Variants in CAST observed in about 807,000 individuals in gnomAD.
CAST encodes MIR583 host.
Under a neutral mutation model 119.6 loss-of-function variants are expected in CAST, and 76 were observed. That is an observed-to-expected ratio of 0.64 (90% confidence interval 0.53 to 0.77). The LOEUF is 0.77. Ranked by LOEUF, CAST falls within the 30% of genes least tolerant of loss-of-function variation. The pLI is 0.00. For missense variants in CAST, 953 were observed against 946.5 expected, an observed-to-expected ratio of 1.01 and a Z score of -0.09; for synonymous variants, 319 against 331.6, an observed-to-expected ratio of 0.96 and a Z score of 0.41.
the CAST span, among the ~76,000 whole-genome samples, chr5:96,232,121 G>C: frequency 6.6e-6 from 1 of 152,006 alleles, no homozygotes; most frequent in Admixed American, 6.6e-5. Flanking sequence ...AGTACTTAAA[G>C]TTTTATCCGG....
the CAST span, among the ~76,000 whole-genome samples, chr5:96,414,952 G>A: frequency 6.6e-6 from 1 of 152,246 alleles, no homozygotes; most frequent in African/African-American, 2.4e-5. Flanking sequence ...TTTCTAAAAA[G>A]AAATGCATAA....
At chr5:96,191,272 C>A in the CAST span, among the ~76,000 whole-genome samples, 1 of 152,194 alleles carries the variant, frequency 6.6e-6, no homozygotes, top group African/African-American at 2.4e-5. Flanking sequence ...AGAAAAACTA[C>A]CATGGCCTGA....
At chr5:96,565,725 C>T (rs72770202) in intron 1 of CAST, among the ~76,000 whole-genome samples, 6,126 of 152,178 alleles carry the variant, frequency 0.04, 183 homozygotes, top group Non-Finnish European at 0.064. Flanking sequence ...GGCTAGAGAA[C>T]GTATAGGAGA....
At chr5:96,484,767 C>T in the CAST span, among the ~76,000 whole-genome samples, 8 of 151,994 alleles carry the variant, frequency 5.3e-5, no homozygotes, top group African/African-American at 1.7e-4. Context: ...GGGGGGCCAT[C>T]ATTAGCATGA....
the CAST span, among the ~76,000 whole-genome samples, chr5:96,000,866 C>T: frequency 2.0e-5 from 3 of 152,066 alleles, no homozygotes; most frequent in South Asian, 2.1e-4. Context: ...TGTAAAAAAA[C>T]GCAATTGATA....
At chr5:96,097,511 G>A in the CAST span, among the ~76,000 whole-genome samples, 2 of 151,996 alleles carry the variant, frequency 1.3e-5, no homozygotes, top group African/African-American at 2.4e-5. Flanking sequence ...AGGCCACAGT[G>A]TGTTGTTCCC....
In CAST at chr5:96,756,944, C is replaced by A. The variant is rs145914092; in HGVS notation, c.1711-500C>A. Among the ~76,000 whole-genome samples the A allele has an allele frequency of 3.2e-3, 481 of 152,272 alleles. 3 individuals carry two copies. The highest frequency in any genetic ancestry group is 0.011 in the African/African-American group (459 of 41,544). On this transcript the variant is annotated intron_variant, in intron 22 of 31. Coordinates refer to ENST00000675179, the MANE Select transcript of CAST (RefSeq NM_001750.7). ...CAGGTTAAACTCCCTGAGGGCAAGG[C>A]CTTTGTGCGATTTTCTGTTGTATTG...
the CAST span, among the ~76,000 whole-genome samples, chr5:96,295,821 G>A: frequency 6.6e-6 from 1 of 152,098 alleles, no homozygotes; most frequent in East Asian, 1.9e-4. Context: ...AAAAATACAC[G>A]AAATGGTATG....
chr5:96,504,361 A>G, the CAST span, among the ~76,000 whole-genome samples: 2 of 152,160 alleles, frequency 1.3e-5, no homozygotes, highest in African/African-American at 4.8e-5. Flanking sequence ...AAGTCCTCCA[A>G]AGAATTCCAA....
the CAST span, among the ~76,000 whole-genome samples, chr5:96,303,295 C>A: frequency 6.6e-6 from 1 of 152,134 alleles, no homozygotes; most frequent in South Asian, 2.1e-4. Flanking sequence ...GCCCCTCCTC[C>A]AAGATTGAGG....
the CAST span, among the ~76,000 whole-genome samples, chr5:96,370,918 T>C: frequency 6.6e-6 from 1 of 152,288 alleles, no homozygotes; most frequent in East Asian, 1.9e-4. Context: ...TCCCCAACTA[T>C]GTAGACCTAA....
intron 9 of CAST, among the ~76,000 whole-genome samples, chr5:96,733,836 C>T (rs181953235): frequency 1.0e-3 from 157 of 152,202 alleles, no homozygotes; most frequent in Non-Finnish European, 1.7e-3. Context: ...AAGATCGCAC[C>T]GTTGCACTCC....
intron 1 of CAST, among the ~76,000 whole-genome samples, chr5:96,640,598 C>T (rs1312305599): frequency 6.6e-6 from 1 of 152,120 alleles, no homozygotes; most frequent in African/African-American, 2.4e-5. Flanking sequence ...GGATCAACAC[C>T]TATGGAAGGG....
chr5:96,024,855 C>T, the CAST span, among the ~76,000 whole-genome samples: 1 of 152,148 alleles, frequency 6.6e-6, no homozygotes, highest in Non-Finnish European at 1.5e-5. Flanking sequence ...CGCTCCCTTT[C>T]TCAGAACTTG....
intron 20 of CAST, among the ~76,000 whole-genome samples, chr5:96,751,858 A>C (rs1765135368): frequency 6.6e-6 from 1 of 152,190 alleles, no homozygotes; most frequent in African/African-American, 2.4e-5. Context: ...ATTGTTAGAA[A>C]GCAGACAAAC....
At chr5:96,257,637 A>G in the CAST span, among the ~76,000 whole-genome samples, 2 of 152,208 alleles carry the variant, frequency 1.3e-5, no homozygotes, top group African/African-American at 2.4e-5. Flanking sequence ...TAAGAACCCC[A>G]CTACTCACCC....
At chr5:96,508,083 A>G in the CAST span, among the ~76,000 whole-genome samples, 2 of 150,890 alleles carry the variant, frequency 1.3e-5, no homozygotes, top group African/African-American at 4.9e-5. Flanking sequence ...CTGGTCTTGA[A>G]CTCCTAGCCT....
chr5:96,435,143 G>A, the CAST span, among the ~76,000 whole-genome samples: 1 of 152,170 alleles, frequency 6.6e-6, no homozygotes, highest in African/African-American at 2.4e-5. Flanking sequence ...GAAGCCCAGG[G>A]CAAATGTTTT....
chr5:96,249,036 A>G, the CAST span, among the ~76,000 whole-genome samples: 1 of 152,226 alleles, frequency 6.6e-6, no homozygotes, highest in East Asian at 1.9e-4. Flanking sequence ...ATCCCTCACT[A>G]GGGACTAAAT....
Sources: allele counts gnomAD v4.1 joint callset (sites outside exome capture counted in the v4.1 genomes callset), GRCh38; gene constraint gnomAD v4.1.1; transcripts MANE v1.5; gene names NCBI Gene and HGNC (gene_info 2026-07-23, HGNC 2026-07-21).